The following POLQ variants were observed in gnomAD, a reference collection of about 807,000 sequenced individuals.
The protein encoded by POLQ is DNA polymerase theta, also known as epididymis secretory sperm binding protein.
Under a neutral mutation model 259.2 loss-of-function variants are expected in POLQ, and 233 were observed. The observed-to-expected ratio is 0.90, with a 90% CI of 0.81 to 1.00. The LOEUF (loss-of-function observed/expected upper bound fraction) is 1.00. Ranked by LOEUF, POLQ falls within the 50% of genes least tolerant of loss-of-function variation. The probability of loss-of-function intolerance (pLI) is 0.00; values close to 1 mark genes in which losing one functional copy is unlikely to be tolerated. For missense variants in POLQ, 2,871 were observed against 3,051.6 expected, an observed-to-expected ratio of 0.94 and a Z score of 1.39; for synonymous variants, 1,025 against 1,048.8, an observed-to-expected ratio of 0.98 and a Z score of 0.44.
At chr3:121,538,196 GA>G (rs1325549589) in intron 4 of POLQ, among the ~76,000 whole-genome samples, 2 of 151,838 alleles carry the variant, frequency 1.3e-5, no homozygotes, top group Non-Finnish European at 2.9e-5. Flanking sequence ...GGGTCCAGAA[GA>G]AAAAGACAAT....
chr3:121,489,657 T>G lies in POLQ; in HGVS notation c.3274A>C (p.Arg1092=), dbSNP rs565386044. The change falls in exon 16 of 30, where the codon AGA becomes CGA. Residue 1092 remains arginine (R), a synonymous_variant. Coordinates refer to ENST00000264233, the MANE Select transcript of POLQ (RefSeq NM_199420.4). ...FTLDEKKTEF[R]NSGPFAKNVS... Reference sequence around the variant, plus strand: ...TTTTTAGCAAATGGCCCTGAATTTCTAAATTCCGTTTTCTTCTCATCTAAG... The same window carrying G: ...TTTTTAGCAAATGGCCCTGAATTTCGAAATTCCGTTTTCTTCTCATCTAAG... 4 of 1,614,078 alleles carry G rather than the reference T, an allele frequency of 2.5e-6. No homozygotes were observed. In the African/African-American group the frequency reaches 4.0e-5, roughly 16 times the overall value.
At chr3:121,450,142 G>C (rs963435377) in intron 25 of POLQ, among the ~76,000 whole-genome samples, 3 of 152,134 alleles carry the variant, frequency 2.0e-5, no homozygotes, top group African/African-American at 7.2e-5. Context: ...ACAAAATGAA[G>C]ACAGTAATAT....
chr3:121,503,494 T>G (rs796757146), intron 12 of POLQ, among the ~76,000 whole-genome samples: 5 of 152,312 alleles, frequency 3.3e-5, no homozygotes, highest in African/African-American at 1.2e-4. Context: ...TACCCGACTT[T>G]CAACAATGAA....
intron 20 of POLQ, 26 bp from the exon 21 acceptor site, chr3:121,473,513 T>C (rs1314445399): frequency 6.3e-7 from 1 of 1,588,156 alleles, no homozygotes; most frequent in Admixed American, 1.8e-5. Flanking sequence ...GTCTCTTTAG[T>C]CAAGAATGAA....
intron 2 of POLQ, among the ~76,000 whole-genome samples, chr3:121,543,609 T>C (rs2048505713): frequency 6.6e-6 from 1 of 152,206 alleles, no homozygotes; most frequent in Non-Finnish European, 1.5e-5. Flanking sequence ...CACAAAGGAA[T>C]TGCATCTTAC....
At chr3:121,505,937 G>C (rs147926944) in intron 12 of POLQ, among the ~76,000 whole-genome samples, 2 of 149,602 alleles carry the variant, frequency 1.3e-5, no homozygotes, top group East Asian at 3.9e-4. Context: ...CAGGAGAATC[G>C]CTTGAACCCA....
In POLQ at chr3:121,489,396, T is replaced by G. The variant is rs780943469; in HGVS notation, c.3535A>C (p.Asn1179His). The G allele has an allele frequency of 8.1e-6, 13 of 1,613,630 alleles. No individual in the cohort carries two copies. The highest frequency in any genetic ancestry group is 1.0e-5 in the Non-Finnish European group (12 of 1,179,886). ...NEVLIQNGSK[N>H]QNVYMKHHDI... is the part of the protein sequence containing the mutation. ...TGGTGTTTCATATAAACATTCTGGT[T>G]TTTTGAACCATTTTGTATCAGCACT... The change falls in exon 16 of 30, where the codon AAC becomes CAC. Residue 1179 changes from asparagine (N) to histidine (H), a missense_variant. This residue lies in a region of POLQ where 2,080 missense variants were observed against 2,126.0 expected (regional missense o/e 0.98). Transcript: ENST00000264233.
intron 9 of POLQ, among the ~76,000 whole-genome samples, chr3:121,512,815 C>T (rs543375665): frequency 3.9e-5 from 6 of 152,132 alleles, no homozygotes; most frequent in African/African-American, 1.4e-4. Flanking sequence ...TACTTTCAAA[C>T]CTATAAAGTA....
At chr3:121,494,933 T>C (rs1380472423) in intron 14 of POLQ, 10 of 908,568 alleles carry the variant, frequency 1.1e-5, no homozygotes, top group African/African-American at 7.2e-5. Flanking sequence ...GTTTTCTGTA[T>C]ATAAAAATAA....
intron 7 of POLQ, among the ~76,000 whole-genome samples, chr3:121,527,411 G>A (rs1457487603): frequency 1.3e-5 from 2 of 152,048 alleles, no homozygotes; most frequent in African/African-American, 4.8e-5. Context: ...TGCCTATGCT[G>A]GTCTCGAACT....
intron 25 of POLQ, among the ~76,000 whole-genome samples, chr3:121,458,687 G>C (rs1026354960): frequency 6.6e-6 from 1 of 152,184 alleles, no homozygotes; most frequent in Non-Finnish European, 1.5e-5. Context: ...TTAAATAGTG[G>C]AAGAAACAAG....
intron 24 of POLQ, among the ~76,000 whole-genome samples, chr3:121,465,115 CT>C (rs2047824991): frequency 7.1e-6 from 1 of 141,032 alleles, no homozygotes; most frequent in African/African-American, 2.6e-5. Context: ...GACATAGGGT[CT>C]TGCTTTTTCG....
chr3:121,479,423 T>G lies in POLQ; in HGVS notation c.6211+2149A>C, dbSNP rs1029027650. Among the ~76,000 whole-genome samples, 5 of 150,812 alleles carry G rather than the reference T, an allele frequency of 3.3e-5. No individual in the cohort carries two copies. The Admixed American group carries it at 3.3e-4, about 10-fold the overall frequency. On this transcript the variant is annotated intron_variant, in intron 19 of 29. Coordinates refer to ENST00000264233, the MANE Select transcript of POLQ (RefSeq NM_199420.4). ...AAACTGTAGAATACAATAAAAGTAG[T>G]GCTTTGAGGAAAATTTATAGCTATA...
At position 121,432,985 on chromosome 3, in the gene POLQ, CCT is replaced by C. The variant is rs753790744; in HGVS notation, c.7590_7591del (p.Gly2531ArgfsTer9). 6 of 1,612,956 alleles carry C rather than the reference CCT, an allele frequency of 3.7e-6. No individual in the cohort carries two copies. In the Admixed American group the frequency reaches 1.0e-4, roughly 27 times the overall value. On this transcript the variant is annotated frameshift_variant, in exon 29 of 30. Transcript: ENST00000264233. LOFTEE classifies it high-confidence loss of function. ...ATGGAGTTGAAGGATGAAGAAGCCT[CCT>C]CTGATTGGGCAGAACATCCCTTGCA... is the stretch of plus-strand genomic sequence containing the variant.
rs967022020 is a variant in POLQ at position 121,453,366 on chromosome 3, A to G, written c.7153-3940T>C. Among the ~76,000 whole-genome samples the G allele has an allele frequency of 9.9e-5, 15 of 152,244 alleles. 1 individual carries two copies. Among genetic ancestry groups the G allele is most frequent in the Non-Finnish European group, 2.2e-4 (15 of 68,036 alleles). On this transcript the variant is annotated intron_variant, in intron 25 of 29. Coordinates refer to ENST00000264233, the MANE Select transcript of POLQ (RefSeq NM_199420.4). ...CTCCAAAGGAACGCAGTTCCTCACCAGCAACGGAACAAAGCTGGATGGAGA... is the reference window on the plus strand; with the variant it reads ...CTCCAAAGGAACGCAGTTCCTCACCGGCAACGGAACAAAGCTGGATGGAGA...
Position 121,519,143 on chromosome 3 carries a change from G to A in POLQ, c.1468+728C>T, listed in dbSNP as rs558449934. 5.9e-5 allele frequency among the ~76,000 whole-genome samples: 9 copies of A among 152,086 alleles called. No homozygotes were observed. In the South Asian group the frequency reaches 1.9e-3, roughly 32 times the overall value. Reference sequence around the variant, plus strand: ...TCCCAAAGTGTGAGGGTGCATCCCAGCATCCTTGTCTGATTTCTGAGACCA... The same window carrying A: ...TCCCAAAGTGTGAGGGTGCATCCCAACATCCTTGTCTGATTTCTGAGACCA... On this transcript the variant is annotated intron_variant, in intron 9 of 29. Transcript: ENST00000264233.
At chr3:121,465,797 A>T (rs2047830874) in intron 24 of POLQ, among the ~76,000 whole-genome samples, 2 of 152,062 alleles carry the variant, frequency 1.3e-5, no homozygotes, top group African/African-American at 4.8e-5. Flanking sequence ...CCTTTCTCCC[A>T]TCTCTCTCAG....
chr3:121,493,430 A>AT (rs11351457), intron 15 of POLQ, 48 bp downstream of exon 15: 843 of 1,340,750 alleles, frequency 6.3e-4, no homozygotes, highest in Non-Finnish European at 7.1e-4. Context: ...TAAAATTGAC[A>AT]TTTTTTTTTT....
At chr3:121,484,442 C>A (rs2108795757) in intron 17 of POLQ, among the ~76,000 whole-genome samples, 1 of 152,294 alleles carries the variant, frequency 6.6e-6, no homozygotes, top group South Asian at 2.1e-4. Flanking sequence ...AAAGCAAACC[C>A]TAAAGGTGGC....
Sources: gnomAD v4.1 joint callset for allele counts (sites outside exome capture counted in the v4.1 genomes callset) on GRCh38, gnomAD v4.1.1 for gene constraint, gnomAD v4.1.1 regional missense constraint, MANE v1.5 for transcripts, NCBI Gene and HGNC (gene_info 2026-07-23, HGNC 2026-07-21) for gene names.